CSDE1: variants seen among roughly 807,000 people sequenced by gnomAD.
CSDE1 encodes the protein cold shock domain-containing protein E1.
CSDE1 carries 17 observed loss-of-function variants against 89.3 expected under a neutral mutation model. The ratio of observed to expected loss-of-function variants is 0.19; its 90% confidence interval spans 0.13 to 0.29. The LOEUF (loss-of-function observed/expected upper bound fraction) is 0.29, where lower values mean the gene tolerates loss of function less well. Ranked by LOEUF, CSDE1 falls within the 10% of genes least tolerant of loss-of-function variation. The probability of loss-of-function intolerance (pLI) is 1.00; values close to 1 mark genes in which losing one functional copy is unlikely to be tolerated. For synonymous variants in CSDE1, 322 were observed against 332.8 expected (o/e 0.97, Z 0.35); for missense variants, 672 against 984.2 (o/e 0.68, Z 4.24).
chr1:114,717,071 C>G lies in CSDE1; in HGVS notation c.*1098G>C, dbSNP rs1659215795. 2.0e-5 allele frequency: 3 copies of G among 152,754 alleles called. 1 individual carries two copies. The highest frequency in any genetic ancestry group is 2.0e-4 in the Admixed American group (3 of 15,276). 9.5% of individuals were successfully genotyped at this position (152,754 alleles called of 1,614,324 possible). ...ACGACAAGGGGGAAGATAAAACCGC[C>G]CTCCCCCACATCCCCTGAGCTGACC... On this transcript the variant is annotated 3_prime_UTR_variant, in exon 20 of 20. Coordinates refer to ENST00000358528, the MANE Select transcript of CSDE1 (RefSeq NM_001007553.3).
Position 114,736,872 on chromosome 1 carries a change from CATT to C in CSDE1, c.403-20_403-18del. 1.9e-6 allele frequency: 3 copies of C among 1,565,002 alleles called. No individual in the cohort carries two copies. The highest frequency in any genetic ancestry group is 2.6e-6 in the Non-Finnish European group (3 of 1,137,988). On this transcript the variant is annotated intron_variant, in intron 5 of 19. Coordinates refer to ENST00000358528, the MANE Select transcript of CSDE1 (RefSeq NM_001007553.3). The stretch of plus-strand genomic sequence containing the variant: ...AAACACTTCCTGTGAATTAATAAAT[CATT>C]ATTACTATTTTGGCAGGATGCATAT...
intron 16 of CSDE1, among the ~76,000 whole-genome samples, chr1:114,722,798 G>A (rs1478940330): frequency 6.6e-6 from 1 of 152,106 alleles, no homozygotes; most frequent in Non-Finnish European, 1.5e-5. Context: ...TGATGTCATG[G>A]CATTTGTTTA....
At chr1:114,731,821 G>A (rs1254711912) in intron 10 of CSDE1, among the ~76,000 whole-genome samples, 1 of 152,122 alleles carries the variant, frequency 6.6e-6, no homozygotes, top group East Asian at 1.9e-4. Context: ...AGATGTTTTT[G>A]CAATTATTTT....
At chr1:114,732,464 A>G (rs1010486190) in intron 10 of CSDE1, 140 bp downstream of exon 10, 3 of 739,890 alleles carry the variant, frequency 4.1e-6, no homozygotes, top group African/African-American at 3.6e-5. Flanking sequence ...TCAAATGTGT[A>G]TGATTCTTAA....
chr1:114,743,793 A>G (rs1380112381), intron 2 of CSDE1, among the ~76,000 whole-genome samples: 1 of 152,144 alleles, frequency 6.6e-6, no homozygotes, highest in Non-Finnish European at 1.5e-5. Context: ...CACATACCAA[A>G]AGAGTTGAAA....
intron 2 of CSDE1, chr1:114,746,632 T>TA (rs1237394996): frequency 1.3e-5 from 2 of 152,192 alleles, no homozygotes; most frequent in Non-Finnish European, 2.9e-5. Flanking sequence ...AGCACATAGG[T>TA]ACTCACAGAA....
intron 5 of CSDE1, 94 bp from the exon 6 acceptor site, chr1:114,736,949 T>G: frequency 1.1e-6 from 1 of 886,482 alleles, no homozygotes; most frequent in Non-Finnish European, 1.7e-6. Context: ...ATACTGGCAT[T>G]TTAAGCCAAA....
In CSDE1 at chr1:114,753,592, CCCT is replaced by C. The variant is rs548974011; in HGVS notation, c.-387-3388_-387-3386del. The stretch of plus-strand genomic sequence containing the variant: ...GAACACAAGTGCATCTCCTCCATCC[CCCT>C]AAAAGCTTGAAACTTAAGTTGCATG... On this transcript the variant is annotated intron_variant, in intron 1 of 19. Coordinates refer to ENST00000358528, the MANE Select transcript of CSDE1 (RefSeq NM_001007553.3). Among the ~76,000 whole-genome samples the C allele has an allele frequency of 6.5e-3, 984 of 152,254 alleles. 6 individuals are homozygous for C. The highest frequency in any genetic ancestry group is 9.5e-3 in the Non-Finnish European group (648 of 68,026).
chr1:114,720,030 T>C (rs771141869), intron 17 of CSDE1, among the ~76,000 whole-genome samples: 5 of 150,110 alleles, frequency 3.3e-5, no homozygotes, highest in Non-Finnish European at 5.9e-5. Flanking sequence ...TACTTCAACA[T>C]ATATATTGTT....
At chr1:114,727,131 A>G in intron 12 of CSDE1, 41 bp from the exon 13 acceptor site, 1 of 1,429,418 alleles carries the variant, frequency 7.0e-7, no homozygotes. Context: ...AACAATCTCA[A>G]GAACAAAAAC....
At chr1:114,722,765 C>T (rs1160990217) in intron 16 of CSDE1, among the ~76,000 whole-genome samples, 2 of 152,168 alleles carry the variant, frequency 1.3e-5, no homozygotes, top group African/African-American at 2.4e-5. Flanking sequence ...GTAGTCCATA[C>T]TCCCATGGCC....
rs559081952 is a variant in CSDE1 at position 114,718,229 on chromosome 1, GA to G, written c.2350-14del. On this transcript the variant is annotated splice_polypyrimidine_tract_variant and intron_variant, in intron 19 of 19. Transcript: ENST00000358528. ...CTGCACCAAACCCCTGTGGGGGGGA[GA>G]AAAAAAAAACCCTGCAGTTAATGAT... 3.4e-4 allele frequency: 497 copies of G among 1,476,388 alleles called. No homozygotes were observed. Among genetic ancestry groups the G allele is most frequent in the Admixed American group, 1.2e-3 (61 of 50,930 alleles). The allele number at this position is 1,476,388 out of a possible 1,614,324, so 91.5% of individuals were successfully genotyped here.
intron 3 of CSDE1, among the ~76,000 whole-genome samples, chr1:114,738,755 C>G (rs574703054): frequency 7.0e-6 from 1 of 142,484 alleles, no homozygotes; most frequent in African/African-American, 2.6e-5. Context: ...ACTGCAACCT[C>G]TACCTTGCGG....
rs531271860 is a variant in CSDE1 at position 114,737,408 on chromosome 1, A to G, written c.402+63T>C. On this transcript the variant is annotated intron_variant, in intron 5 of 19. Coordinates refer to ENST00000358528, the MANE Select transcript of CSDE1 (RefSeq NM_001007553.3). Reference sequence around the variant, plus strand: ...GCTTACGTTTTCTATTTTGAATTTTAAAGTACGCTTATAGATCACATGGTG... The same window carrying G: ...GCTTACGTTTTCTATTTTGAATTTTGAAGTACGCTTATAGATCACATGGTG... The G allele has an allele frequency of 1.9e-4, 253 of 1,298,702 alleles. No homozygotes were observed. The South Asian group carries it at 2.8e-3, about 15-fold the overall frequency. The allele number at this position is 1,298,702 out of a possible 1,614,324, so 80.4% of individuals were successfully genotyped here. A position where few individuals can be genotyped will look rare whatever the true frequency, so the allele number is the denominator to read the frequency against.
chr1:114,734,652 T>C, intron 6 of CSDE1, 129 bp from the exon 7 acceptor site: 2 of 659,010 alleles, frequency 3.0e-6, no homozygotes, highest in Non-Finnish European at 5.2e-6. Context: ...TAAGAATAAA[T>C]ACAGGGTTTA....
At chr1:114,725,744 T>G (rs965742286) in intron 14 of CSDE1, among the ~76,000 whole-genome samples, 1 of 152,290 alleles carries the variant, frequency 6.6e-6, no homozygotes, top group African/African-American at 2.4e-5. Context: ...CAAGTGGTCC[T>G]CCCACATCAG....
intron 2 of CSDE1, among the ~76,000 whole-genome samples, chr1:114,742,011 C>T (rs1341886591): frequency 1.3e-5 from 2 of 152,084 alleles, no homozygotes; most frequent in African/African-American, 4.8e-5. Flanking sequence ...CACTGATAAC[C>T]CAATGGGGTG....
chr1:114,737,993 T>A lies in CSDE1; in HGVS notation c.279A>T (p.Glu93Asp), dbSNP rs749496036. The change falls in exon 4 of 20, where the codon GAA (glutamate) becomes GAT (aspartate). Residue 93 changes from glutamate (E) to aspartate (D), a missense_variant. Physicochemically the swap from Glu to Asp is conservative, Grantham distance 45 (BLOSUM62 2). Transcript: ENST00000358528. ...IAVKLVKIKQ[E>D]ILPEERMNGQ... The stretch of plus-strand genomic sequence containing the variant: ...CATTCATTCGTTCTTCAGGGAGGAT[T>A]TCTTGTTTTATCTTCACCAGTTTAA... 1 of 1,613,932 alleles carries A rather than the reference T, an allele frequency of 6.2e-7. No homozygotes were observed. The highest frequency in any genetic ancestry group is 1.1e-5 in the South Asian group (1 of 91,078).
At chr1:114,744,765 G>A (rs1660926678) in intron 2 of CSDE1, among the ~76,000 whole-genome samples, 1 of 151,964 alleles carries the variant, frequency 6.6e-6, no homozygotes, top group Non-Finnish European at 1.5e-5. Context: ...TCAAACCTGG[G>A]GGAAAAGTGT....
Sources: allele counts gnomAD v4.1 joint callset (sites outside exome capture counted in the v4.1 genomes callset), GRCh38; gene constraint gnomAD v4.1.1; transcripts MANE v1.5; gene names NCBI Gene and HGNC (gene_info 2026-07-23, HGNC 2026-07-21).